PRR13: variants seen among roughly 807,000 people sequenced by gnomAD.
PRR13 encodes the protein proline-rich protein 13.
Under a neutral mutation model 11.5 loss-of-function variants are expected in PRR13, and 7 were observed. The ratio of observed to expected loss-of-function variants is 0.61; its 90% confidence interval spans 0.34 to 1.14. The LOEUF is 1.14. Ranked by LOEUF, PRR13 falls within the 50% of genes most tolerant of loss-of-function variation. PRR13 has a pLI of 0.03. For missense variants in PRR13, 155 were observed against 194.4 expected (o/e 0.80, Z 1.21); for synonymous variants, 53 against 67.8 (o/e 0.78, Z 1.07).
At chr12:53,445,969 T>TGGATCTGATGC (rs774335904) in intron 3 of PRR13, 46 bp from the exon 4 acceptor site, 1 of 1,612,816 alleles carries the variant, frequency 6.2e-7, no homozygotes, top group Non-Finnish European at 8.5e-7. Flanking sequence ...AAAGGTCATT[T>TGGATCTGATGC]GGATCTGATG....
At chr12:53,442,508 G>A (rs1167675760) in intron 1 of PRR13, 187 bp from the exon 2 acceptor site, 3 of 529,960 alleles carry the variant, frequency 5.7e-6, no homozygotes, top group Admixed American at 6.5e-5. Context: ...CTCCCAAAGT[G>A]CTGGGATTAC....
At chr12:53,442,620 G>C in intron 1 of PRR13, 75 bp from the exon 2 acceptor site, 1 of 1,315,054 alleles carries the variant, frequency 7.6e-7, no homozygotes, top group Non-Finnish European at 1.1e-6. Flanking sequence ...GAAGACGTTA[G>C]GGCTGGGCTC....
intron 2 of PRR13, 123 bp downstream of exon 2, chr12:53,442,856 C>G (rs1940322403): frequency 2.1e-5 from 19 of 895,168 alleles, no homozygotes; most frequent in Non-Finnish European, 8.7e-6. Context: ...AGTCCTTAGT[C>G]TAGAGCTGAC....
Position 53,445,826 on chromosome 12 carries a change from T to A in PRR13, c.403-189T>A, listed in dbSNP as rs776447308. Among the ~76,000 whole-genome samples the A allele has an allele frequency of 9.2e-5, 14 of 152,216 alleles. No individual in the cohort carries two copies. The highest frequency in any genetic ancestry group is 1.9e-4 in the Non-Finnish European group (13 of 68,040). On this transcript the variant is annotated intron_variant, in intron 3 of 3. Coordinates refer to ENST00000429243, the MANE Select transcript of PRR13 (RefSeq NM_018457.4). Reference sequence around the variant, plus strand: ...AATTTAGGATGGTTTAATCCATTCCTGTATGCTCACTGCTGAAGGAAACCC... The same window carrying A: ...AATTTAGGATGGTTTAATCCATTCCAGTATGCTCACTGCTGAAGGAAACCC...
intron 2 of PRR13, chr12:53,442,936 A>C: frequency 4.3e-6 from 2 of 459,916 alleles, no homozygotes; most frequent in South Asian, 8.9e-5. Context: ...GGCTCACTGC[A>C]ACCTCCGCCT....
Position 53,441,803 on chromosome 12 carries a change from A to T in PRR13, c.-21+11A>T, listed in dbSNP as rs1036776537. The T allele has an allele frequency of 4.3e-6, 3 of 702,234 alleles. No individual in the cohort carries two copies. Among genetic ancestry groups the T allele is most frequent in the Non-Finnish European group, 7.8e-6 (3 of 384,832 alleles). 43.5% of individuals were successfully genotyped at this position (702,234 alleles called of 1,614,324 possible). A position where few individuals can be genotyped will look rare whatever the true frequency, so the allele number is the denominator to read the frequency against. The stretch of plus-strand genomic sequence containing the variant: ...GGCGGCGGTGGAAAGGTGATGGGGT[A>T]TCTGGATTCCATAGGTTTTTCCTTT... On this transcript the variant is annotated intron_variant, in intron 1 of 3. Coordinates refer to ENST00000429243, the MANE Select transcript of PRR13 (RefSeq NM_018457.4).
At chr12:53,443,906 C>A in intron 3 of PRR13, 133 bp downstream of exon 3, 1 of 1,100,748 alleles carries the variant, frequency 9.1e-7, no homozygotes, top group Non-Finnish European at 1.3e-6. Flanking sequence ...GTAGATGATT[C>A]TTCCTTTTTA....
intron 2 of PRR13, chr12:53,443,025 T>A (rs954180886): frequency 2.7e-6 from 1 of 373,768 alleles, no homozygotes; most frequent in African/African-American, 2.1e-5. Flanking sequence ...CCCGGCTACT[T>A]TTTGTATTTT....
chr12:53,444,879 C>T lies in PRR13; in HGVS notation c.402+1106C>T, dbSNP rs570058885. ...CACCACTGCACTCCAGCCTCGGTGACAGATAAGACTCCATCTCAAACAAAC... is the reference window on the plus strand; with the variant it reads ...CACCACTGCACTCCAGCCTCGGTGATAGATAAGACTCCATCTCAAACAAAC... On this transcript the variant is annotated intron_variant, in intron 3 of 3. Transcript: ENST00000429243. Among the ~76,000 whole-genome samples the T allele has an allele frequency of 5.3e-5, 8 of 152,144 alleles. No individual in the cohort carries two copies. In the East Asian group the frequency reaches 1.6e-3, roughly 30 times the overall value.
intron 2 of PRR13, 91 bp from the exon 3 acceptor site, chr12:53,443,300 G>A (rs979622072): frequency 3.2e-6 from 4 of 1,233,304 alleles, no homozygotes; most frequent in Non-Finnish European, 4.2e-6. Flanking sequence ...TTCCCTTTAA[G>A]TATTGAGTGA....
chr12:53,443,672 C>T lies in PRR13; in HGVS notation c.301C>T (p.Pro101Ser), dbSNP rs752875709. Residue 101 changes from proline to serine, a missense_variant, in exon 3 of 4, where the codon CCA (proline) becomes TCA (serine). Transcript: ENST00000429243. ...TCCCTTGGCTCCTGGCATGGTTGGA[C>T]CAGCAGTGATAGTAGACAAGAAGAT... ...VNPLAPGMVG[P>S]AVIVDKKMQK... The T allele has an allele frequency of 1.9e-6, 3 of 1,614,050 alleles. No individual in the cohort carries two copies. In the African/African-American group the frequency reaches 4.0e-5, roughly 22 times the overall value.
intron 2 of PRR13, chr12:53,443,043 G>A (rs1166431624): frequency 2.7e-6 from 1 of 372,410 alleles, no homozygotes; most frequent in Non-Finnish European, 4.8e-6. Context: ...TTTTAGTAGA[G>A]ATGGGGGTTT....
chr12:53,445,620 T>C (rs1366662375), intron 3 of PRR13, among the ~76,000 whole-genome samples: 1 of 152,240 alleles, frequency 6.6e-6, no homozygotes, highest in African/African-American at 2.4e-5. Flanking sequence ...ATCCAATTTC[T>C]TAAAATCATA....
At chr12:53,443,183 G>C in intron 2 of PRR13, 1 of 512,232 alleles carries the variant, frequency 2.0e-6, no homozygotes, top group Non-Finnish European at 3.3e-6. Flanking sequence ...CTTCCTCAGA[G>C]TTCACTGTCT....
intron 3 of PRR13, among the ~76,000 whole-genome samples, chr12:53,445,562 C>G (rs1230937545): frequency 2.0e-5 from 3 of 152,172 alleles, no homozygotes; most frequent in Non-Finnish European, 4.4e-5. Flanking sequence ...AGTAGAGATA[C>G]ATGCACATAC....
intron 3 of PRR13, among the ~76,000 whole-genome samples, chr12:53,445,018 C>T (rs1200131611): frequency 6.6e-6 from 1 of 152,144 alleles, no homozygotes; most frequent in East Asian, 1.9e-4. Flanking sequence ...ATTTATTTGC[C>T]TTGTGGATTC....
At chr12:53,443,931 T>A in intron 3 of PRR13, 158 bp downstream of exon 3, 1 of 913,432 alleles carries the variant, frequency 1.1e-6, no homozygotes, top group Non-Finnish European at 1.6e-6. Flanking sequence ...AGATTGCTAC[T>A]GGGAAGAATC....
chr12:53,445,476 T>C (rs1331625555), intron 3 of PRR13, among the ~76,000 whole-genome samples: 2 of 152,130 alleles, frequency 1.3e-5, no homozygotes, highest in African/African-American at 4.8e-5. Flanking sequence ...TGGGAGTATA[T>C]GCTTAAGGAA....
In PRR13 at chr12:53,443,258, C is replaced by T. The variant is rs2694852; in HGVS notation, c.20-133C>T. 0.017 allele frequency: 17,149 copies of T among 1,016,954 alleles called. 1,893 individuals are homozygous for T. In the African/African-American group the frequency reaches 0.24, roughly 14 times the overall value. The allele number at this position is 1,016,954 out of a possible 1,614,324, so 63.0% of individuals were successfully genotyped here. A position where few individuals can be genotyped will look rare whatever the true frequency, so the allele number is the denominator to read the frequency against. On this transcript the variant is annotated intron_variant, in intron 2 of 3. Transcript: ENST00000429243. ...TCTCCCCAACTCAAGTTTGTCTCCCCTACCCTCCATTCTTCTTTGTCATCT... is the reference window on the plus strand; with the variant it reads ...TCTCCCCAACTCAAGTTTGTCTCCCTTACCCTCCATTCTTCTTTGTCATCT...
Sources: allele counts gnomAD v4.1 joint callset (sites outside exome capture counted in the v4.1 genomes callset), GRCh38; gene constraint gnomAD v4.1.1; transcripts MANE v1.5; gene names NCBI Gene and HGNC (gene_info 2026-07-23, HGNC 2026-07-21).